Variants in CHD2 observed in about 807,000 individuals in gnomAD.
The protein encoded by CHD2 is ATP-dependent chromatin remodeler CHD2.
A neutral mutation model predicts 243.9 loss-of-function variants in CHD2; 28 were observed. That is an observed-to-expected ratio of 0.11 (90% confidence interval 0.09 to 0.16). The LOEUF (loss-of-function observed/expected upper bound fraction) is 0.16. Among genes scored for constraint, CHD2 ranks in the 10% least tolerant of loss-of-function variants. The probability of loss-of-function intolerance (pLI) is 1.00; values close to 1 mark genes in which losing one functional copy is unlikely to be tolerated. For missense variants in CHD2, 1,386 were observed against 2,209.8 expected (o/e 0.63, Z 7.47); for synonymous variants, 775 against 779.0 (o/e 0.99, Z 0.09).
chr15:93,020,366 C>T (rs3743468), intron 38 of CHD2, 108 bp downstream of exon 38: 1 of 1,380,324 alleles, frequency 7.2e-7, no homozygotes, highest in Non-Finnish European at 1.0e-6. Flanking sequence ...TACTGAAGAT[C>T]TCATCATGCA....
At chr15:92,970,031 G>A (rs1567146552) in intron 17 of CHD2, among the ~76,000 whole-genome samples, 1 of 151,854 alleles carries the variant, frequency 6.6e-6, no homozygotes, top group Non-Finnish European at 1.5e-5. Flanking sequence ...TGGTTACATA[G>A]ATTTATTTAT....
intron 28 of CHD2, among the ~76,000 whole-genome samples, chr15:92,994,613 T>G (rs1390075039): frequency 6.6e-6 from 1 of 152,208 alleles, no homozygotes; most frequent in South Asian, 2.1e-4. Flanking sequence ...ACAGTATGTT[T>G]TCTATGTAAT....
rs778257286 is a variant in CHD2, at chr15:92,955,515, G to A, written c.1809+3G>A. 11 of 1,574,138 alleles carry A rather than the reference G, an allele frequency of 7.0e-6. No individual in the cohort carries two copies. Among genetic ancestry groups the A allele is most frequent in the Non-Finnish European group, 4.3e-6 (5 of 1,159,194 alleles). On this transcript the variant is annotated splice_donor_region_variant and intron_variant, in intron 15 of 38. Coordinates refer to ENST00000394196, the MANE Select transcript of CHD2 (RefSeq NM_001271.4). ...ATGAGATCCTCTTGAAAGATAAGGT[G>A]TGTAATTAATATCTAAAAGGCTAAA...
intron 2 of CHD2, among the ~76,000 whole-genome samples, chr15:92,914,513 G>C (rs1267336984): frequency 1.3e-5 from 2 of 152,202 alleles, no homozygotes; most frequent in Non-Finnish European, 2.9e-5. Flanking sequence ...TAGTATGCAT[G>C]ATGAGGCTAA....
chr15:93,020,264 C>T lies in CHD2; in HGVS notation c.5153+6C>T. The T allele has an allele frequency of 1.2e-6, 2 of 1,614,118 alleles. No homozygotes were observed. Among genetic ancestry groups the T allele is most frequent in the South Asian group, 1.1e-5 (1 of 91,078 alleles). ...CACAGAGATTATTATGACAGGTATGCAAAAGGCTGTGAGACACCAGGTGCC... is the reference window on the plus strand; with the variant it reads ...CACAGAGATTATTATGACAGGTATGTAAAAGGCTGTGAGACACCAGGTGCC... On this transcript the variant is annotated splice_donor_region_variant and intron_variant, in intron 38 of 38. Coordinates refer to ENST00000394196, the MANE Select transcript of CHD2 (RefSeq NM_001271.4).
intron 13 of CHD2, among the ~76,000 whole-genome samples, chr15:92,951,317 C>T (rs531657578): frequency 2.6e-5 from 4 of 152,050 alleles, no homozygotes; most frequent in East Asian, 1.9e-4. Flanking sequence ...ATTACACGCA[C>T]GCACCACCAT....
chr15:92,908,410 C>A (rs981102360), intron 2 of CHD2, among the ~76,000 whole-genome samples: 3 of 152,124 alleles, frequency 2.0e-5, no homozygotes, highest in Admixed American at 2.0e-4. Flanking sequence ...TTTTGGGTTT[C>A]CTCTACTTCC....
chr15:92,923,673 C>T (rs2053003438), intron 2 of CHD2, among the ~76,000 whole-genome samples: 1 of 151,592 alleles, frequency 6.6e-6, no homozygotes, highest in South Asian at 2.1e-4. Flanking sequence ...TCAAGCGATC[C>T]TTCTGCCTCA....
At chr15:92,943,782 A>G (rs917140809) in intron 9 of CHD2, 2 of 152,552 alleles carry the variant, frequency 1.3e-5, no homozygotes, top group Non-Finnish European at 2.9e-5. Context: ...TGGAATGTGC[A>G]TAGATTTTTG....
intron 12 of CHD2, among the ~76,000 whole-genome samples, chr15:92,947,966 T>A (rs1424508535): frequency 6.6e-6 from 1 of 152,232 alleles, no homozygotes; most frequent in Non-Finnish European, 1.5e-5. Flanking sequence ...CATCCCTGAA[T>A]GAATTTCTCC....
chr15:92,991,558 CT>C (rs769713499), intron 27 of CHD2, 41 bp downstream of exon 27: 4 of 1,480,944 alleles, frequency 2.7e-6, no homozygotes, highest in Admixed American at 4.1e-5. Context: ...CTCTTTTTTG[CT>C]TTTATTATAT....
intron 16 of CHD2, among the ~76,000 whole-genome samples, chr15:92,956,936 G>T (rs1319159587): frequency 1.3e-5 from 2 of 152,096 alleles, no homozygotes; most frequent in Non-Finnish European, 2.9e-5. Flanking sequence ...TTCACTGTTG[G>T]TATAAGATAA....
intron 32 of CHD2, among the ~76,000 whole-genome samples, 192 bp downstream of exon 32, chr15:93,000,832 G>C (rs948864907): frequency 3.3e-5 from 5 of 152,172 alleles, no homozygotes; most frequent in African/African-American, 9.7e-5. Context: ...CATAATGGAA[G>C]TAAATGAAGG....
rs773783551 is a variant in CHD2 at position 92,998,586 on chromosome 15, C to T, written c.3973C>T (p.Leu1325=). 6.2e-7 allele frequency: 1 copy of T among 1,613,246 alleles called. No individual in the cohort carries two copies. Among genetic ancestry groups the T allele is most frequent in the Admixed American group, 1.7e-5 (1 of 60,020 alleles). The change falls in exon 31 of 39, where the codon CTG becomes TTG. Residue 1325 remains leucine (L), a synonymous_variant. Coordinates refer to ENST00000394196, the MANE Select transcript of CHD2 (RefSeq NM_001271.4). The surrounding 1 kb of genome is among the most constrained non-coding windows in gnomAD (Gnocchi z 5.1). ...DYLLKLLRKG[L]EKKGAVTGGE... is the part of the protein sequence containing the mutation. ...CTTGTTGAAGCTGCTCAGAAAGGGTCTGGAGAAGAAGGGGGCTGTGACAGG... is the reference window on the plus strand; with the variant it reads ...CTTGTTGAAGCTGCTCAGAAAGGGTTTGGAGAAGAAGGGGGCTGTGACAGG...
intron 2 of CHD2, among the ~76,000 whole-genome samples, chr15:92,922,471 C>T (rs976965755): frequency 6.6e-6 from 1 of 152,156 alleles, no homozygotes; most frequent in Non-Finnish European, 1.5e-5. Context: ...ATTGCTTCCT[C>T]ATGGTAACTG....
At chr15:93,018,757 A>G (rs1391757871) in intron 37 of CHD2, among the ~76,000 whole-genome samples, 1 of 151,514 alleles carries the variant, frequency 6.6e-6, no homozygotes, top group Admixed American at 6.6e-5. Flanking sequence ...TTCTGCCTCC[A>G]TCTTTGCATA....
At position 93,026,471 on chromosome 15, in the gene CHD2, C is replaced by T. The variant is rs2141763949; in HGVS notation, c.*1766C>T. 2.6e-5 allele frequency: 4 copies of T among 152,432 alleles called. No homozygotes were observed. The South Asian group carries it at 8.3e-4, about 32-fold the overall frequency. The allele number at this position is 152,432 out of a possible 1,614,324, so 9.4% of individuals were successfully genotyped here. On this transcript the variant is annotated 3_prime_UTR_variant, in exon 39 of 39. Coordinates refer to ENST00000394196, the MANE Select transcript of CHD2 (RefSeq NM_001271.4). ...GTGGTTTCCAGATGAGGGTCTGGGT[C>T]CCGGAAGCTTGTGTTGAGAGCTCAG... is the stretch of plus-strand genomic sequence containing the variant.
Position 92,953,344 on chromosome 15 carries a change from T to A in CHD2, c.1503-13T>A. On this transcript the variant is annotated splice_polypyrimidine_tract_variant and intron_variant, in intron 13 of 38. Coordinates refer to ENST00000394196, the MANE Select transcript of CHD2 (RefSeq NM_001271.4). ...ATGATTTTTTTGTTTTTATTTATTT[T>A]TTCTTTCTGCAGAAATAATAGTGTA... 1 of 1,609,216 alleles carries A rather than the reference T, an allele frequency of 6.2e-7. No homozygotes were observed. The highest frequency in any genetic ancestry group is 1.1e-5 in the South Asian group (1 of 90,214).
At position 92,987,844 on chromosome 15, in the gene CHD2, TA is replaced by T. The variant is rs201902925; in HGVS notation, c.3413+2181del. On this transcript the variant is annotated intron_variant, in intron 26 of 38. Transcript: ENST00000394196. ...ATATAATATACCATTTTAATTACCT[TA>T]AAAAAAAAACTTTTTTTTTCACTTA... Among the ~76,000 whole-genome samples, 430 of 148,814 alleles carry T rather than the reference TA, an allele frequency of 2.9e-3. 3 individuals are homozygous for T. The highest frequency in any genetic ancestry group is 4.3e-3 in the Admixed American group (64 of 14,890).
Sources: gnomAD v4.1 joint callset for allele counts (sites outside exome capture counted in the v4.1 genomes callset) on GRCh38, gnomAD v4.1.1 for gene constraint, Gnocchi (gnomAD v3.1) non-coding constraint, MANE v1.5 for transcripts, NCBI Gene and HGNC (gene_info 2026-07-23, HGNC 2026-07-21) for gene names.